Variants in DACH1 observed in about 807,000 individuals in gnomAD.
DACH1 encodes dachshund homolog 1.
DACH1 carries 12 observed loss-of-function variants against 54.2 expected under a neutral mutation model. The ratio of observed to expected loss-of-function variants is 0.22; its 90% CI spans 0.14 to 0.36. The LOEUF (loss-of-function observed/expected upper bound fraction) is 0.36, where lower values mean the gene tolerates loss of function less well. Among genes scored for constraint, DACH1 ranks in the 10% least tolerant of loss-of-function variants. The pLI is 1.00. For missense variants in DACH1, 805 were observed against 929.8 expected, an observed-to-expected ratio of 0.87 and a Z score of 1.75; for synonymous variants, 386 against 366.2, an observed-to-expected ratio of 1.05 and a Z score of -0.62.
intron 2 of DACH1, among the ~76,000 whole-genome samples, chr13:71,656,285 C>T (rs1244420597): frequency 2.6e-5 from 4 of 152,320 alleles, no homozygotes; most frequent in South Asian, 4.1e-4. Context: ...CCAAATTATA[C>T]TTCTATTCAG....
At chr13:71,803,645 A>T (rs908859540) in intron 1 of DACH1, among the ~76,000 whole-genome samples, 2 of 152,212 alleles carry the variant, frequency 1.3e-5, no homozygotes, top group African/African-American at 4.8e-5. Context: ...TTATGAAGAA[A>T]AAAATCATGA....
intron 1 of DACH1, among the ~76,000 whole-genome samples, chr13:71,730,754 T>C (rs1187248313): frequency 6.6e-6 from 1 of 152,152 alleles, no homozygotes; most frequent in Non-Finnish European, 1.5e-5. Flanking sequence ...TATTTTACAT[T>C]CAGCCATTAA....
chr13:71,722,752 G>A (rs1883285476), intron 1 of DACH1, among the ~76,000 whole-genome samples: 1 of 152,242 alleles, frequency 6.6e-6, no homozygotes, highest in Admixed American at 6.5e-5. Context: ...AGAAGGTACA[G>A]GTTTCAGTTT....
intron 7 of DACH1, among the ~76,000 whole-genome samples, chr13:71,488,541 C>A (rs1378001410): frequency 2.6e-5 from 4 of 151,940 alleles, no homozygotes. Context: ...TGAAAGAAGG[C>A]ATTTTTTTGG....
intron 6 of DACH1, among the ~76,000 whole-genome samples, chr13:71,539,826 G>C (rs1883019747): frequency 6.6e-6 from 1 of 151,914 alleles, no homozygotes; most frequent in South Asian, 2.1e-4. Context: ...TATCAAAAAA[G>C]ATGGAACTGG....
At chr13:71,499,092 C>T (rs1253044550) in intron 6 of DACH1, among the ~76,000 whole-genome samples, 2 of 148,852 alleles carry the variant, frequency 1.3e-5, no homozygotes, top group East Asian at 4.1e-4. Context: ...GCATTAAACA[C>T]ACACACATGC....
chr13:71,638,085 T>C (rs1415832610), intron 2 of DACH1, among the ~76,000 whole-genome samples: 1 of 152,234 alleles, frequency 6.6e-6, no homozygotes, highest in African/African-American at 2.4e-5. Flanking sequence ...ATTCAAACTT[T>C]CCATATGATA....
At chr13:71,747,885 G>T (rs1884668449) in intron 1 of DACH1, among the ~76,000 whole-genome samples, 1 of 152,070 alleles carries the variant, frequency 6.6e-6, no homozygotes, top group African/African-American at 2.4e-5. Context: ...TAGGACTTTG[G>T]AGACCACCCT....
chr13:71,541,682 C>A (rs2138332603), intron 6 of DACH1, among the ~76,000 whole-genome samples: 1 of 151,924 alleles, frequency 6.6e-6, no homozygotes, highest in East Asian at 1.9e-4. Flanking sequence ...AGAAGTCTGC[C>A]ATAATCAAAT....
intron 6 of DACH1, among the ~76,000 whole-genome samples, chr13:71,533,422 C>G (rs1882548248): frequency 6.6e-6 from 1 of 151,912 alleles, no homozygotes; most frequent in African/African-American, 2.4e-5. Context: ...CCAAGCTTGG[C>G]TGTTACTTAT....
intron 1 of DACH1, among the ~76,000 whole-genome samples, chr13:71,696,836 G>A (rs1429343630): frequency 2.0e-5 from 3 of 152,120 alleles, no homozygotes; most frequent in African/African-American, 4.8e-5. Context: ...ATGAGCCACC[G>A]TGCCCGGCCT....
chr13:71,439,089 C>T lies in DACH1; in HGVS notation c.*1566G>A, dbSNP rs1192429141. On this transcript the variant is annotated 3_prime_UTR_variant, in exon 11 of 11. Transcript: ENST00000613252. ...TTTTTCTTAATCAAGTAATTAATAC[C>T]CAATCAGAACTATATTTAAACATTT... is the stretch of plus-strand genomic sequence containing the variant. 2 of 152,132 alleles carry T rather than the reference C, an allele frequency of 1.3e-5. No homozygotes were observed. The highest frequency in any genetic ancestry group is 2.9e-5 in the Non-Finnish European group (2 of 67,844). 9.4% of individuals were successfully genotyped at this position (152,132 alleles called of 1,614,324 possible). A position where few individuals can be genotyped will look rare whatever the true frequency, so the allele number is the denominator to read the frequency against.
chr13:71,496,263 A>G (rs1471840517), intron 6 of DACH1, among the ~76,000 whole-genome samples: 37 of 12,122 alleles, frequency 3.1e-3, no homozygotes, highest in Admixed American at 5.6e-3. Context: ...ATTGCTATGT[A>G]TATATATATA....
intron 3 of DACH1, among the ~76,000 whole-genome samples, chr13:71,629,593 A>G (rs929655010): frequency 6.6e-5 from 10 of 152,114 alleles, no homozygotes; most frequent in African/African-American, 2.2e-4. Context: ...ACCCTTAACT[A>G]TGTCTTAATG....
chr13:71,469,554 C>T lies in DACH1; in HGVS notation c.2083+5587G>A, dbSNP rs551942090. On this transcript the variant is annotated intron_variant, in intron 10 of 10. Coordinates refer to ENST00000613252, the MANE Select transcript of DACH1 (RefSeq NM_080759.6). ...AAGATGTGGAAAGCAACTGGACTTA[C>T]AGTCCTAGCTCCAATAAACTCTTAG... Among the ~76,000 whole-genome samples the T allele has an allele frequency of 3.3e-5, 5 of 152,286 alleles. No homozygotes were observed. In the South Asian group the frequency reaches 1.0e-3, roughly 32 times the overall value.
chr13:71,571,205 C>T lies in DACH1; in HGVS notation c.1299+1635G>A, dbSNP rs142718351. Among the ~76,000 whole-genome samples, 184 of 152,048 alleles carry T rather than the reference C, an allele frequency of 1.2e-3. 2 individuals are homozygous for T. In the East Asian group the frequency reaches 0.028, roughly 23 times the overall value. ...ATGAGATGATTCTTTATAGTAATCA[C>T]GACCAGATTTTTTTAATGAGAATAA... On this transcript the variant is annotated intron_variant, in intron 4 of 10. Coordinates refer to ENST00000613252, the MANE Select transcript of DACH1 (RefSeq NM_080759.6).
chr13:71,643,756 AC>A (rs1287484878), intron 2 of DACH1, among the ~76,000 whole-genome samples: 4 of 152,348 alleles, frequency 2.6e-5, no homozygotes, highest in East Asian at 3.9e-4. Flanking sequence ...TTCAACTGTT[AC>A]GGACAATGAG....
chr13:71,511,291 G>C (rs1420064647), intron 6 of DACH1, among the ~76,000 whole-genome samples: 1 of 151,760 alleles, frequency 6.6e-6, no homozygotes, highest in Non-Finnish European at 1.5e-5. Flanking sequence ...AAGAGATTGA[G>C]AAAAAAATTT....
At chr13:71,844,140 G>A (rs1384982716) in intron 1 of DACH1, among the ~76,000 whole-genome samples, 2 of 152,150 alleles carry the variant, frequency 1.3e-5, no homozygotes, top group African/African-American at 4.8e-5. Context: ...AAAGATTTGA[G>A]ACTTCCAAGA....
Sources: gnomAD v4.1 joint callset for allele counts (sites outside exome capture counted in the v4.1 genomes callset) on GRCh38, gnomAD v4.1.1 for gene constraint, MANE v1.5 for transcripts, NCBI Gene and HGNC (gene_info 2026-07-23, HGNC 2026-07-21) for gene names.